The following AGAP1 variants were observed in gnomAD, a reference collection of about 807,000 sequenced individuals.
AGAP1 encodes arf-GAP with GTPase, ANK repeat and PH domain-containing protein 1.
Under a neutral mutation model 105.3 loss-of-function variants are expected in AGAP1, and 29 were observed. The ratio of observed to expected loss-of-function variants is 0.28; its 90% CI spans 0.21 to 0.38. The LOEUF (loss-of-function observed/expected upper bound fraction) is 0.38, where lower values mean the gene tolerates loss of function less well. Among genes scored for constraint, AGAP1 ranks in the 10% least tolerant of loss-of-function variants. AGAP1 has a pLI of 1.00. For missense variants in AGAP1, 998 were observed against 1,165.1 expected, an observed-to-expected ratio of 0.86 and a Z score of 2.09; for synonymous variants, 509 against 485.9, an observed-to-expected ratio of 1.05 and a Z score of -0.63.
Position 235,517,944 on chromosome 2 carries a change from A to AG in AGAP1, c.163+23095_163+23096insG, listed in dbSNP as rs1553556938. ...TGAGACTCCGTTTCAAAAAAAAAAAAAAAGAAAAAAAAAAGGTAGAACTCA... is the reference window on the plus strand; with the variant it reads ...TGAGACTCCGTTTCAAAAAAAAAAAAGAAAGAAAAAAAAAAGGTAGAACTCA... On this transcript the variant is annotated intron_variant, in intron 1 of 17. Transcript: ENST00000304032. The surrounding 1 kb of genome is among the most constrained non-coding windows in gnomAD (Gnocchi z 4.1). Among the ~76,000 whole-genome samples the AG allele has an allele frequency of 4.2e-5, 6 of 141,716 alleles. No homozygotes were observed. The highest frequency in any genetic ancestry group is 7.1e-5 in the Admixed American group (1 of 14,018). The allele number at this position is 141,716 out of a possible 152,430, so 93.0% of individuals were successfully genotyped here.
intron 1 of AGAP1, among the ~76,000 whole-genome samples, chr2:235,647,090 T>C (rs11895755): frequency 0.74 from 110,509 of 149,182 alleles, 41,132 homozygotes; most frequent in African/African-American, 0.83. Context: ...GAACCGAGAT[T>C]GCGCCACTGC....
chr2:235,800,750 G>A (rs181696685), intron 8 of AGAP1, among the ~76,000 whole-genome samples: 2 of 152,344 alleles, frequency 1.3e-5, no homozygotes, highest in East Asian at 1.9e-4. Flanking sequence ...GGAAGGTAAA[G>A]GTTCTGCAGA....
At chr2:236,075,222 AACC>A (rs2058604602) in intron 16 of AGAP1, among the ~76,000 whole-genome samples, 1 of 152,154 alleles carries the variant, frequency 6.6e-6, no homozygotes, top group South Asian at 2.1e-4. Flanking sequence ...AAACGTTCTA[AACC>A]AGATTCTGGT....
At position 235,725,910 on chromosome 2, in the gene AGAP1, A is replaced by G. The variant is rs1024180634; in HGVS notation, c.310+8266A>G. On this transcript the variant is annotated intron_variant, in intron 3 of 17. Transcript: ENST00000304032. This position sits in a 1 kb window ranked among gnomAD's most constrained non-coding sequence, Gnocchi z 5.7. ...ACATTATTATTAGATGTTCAAAAAA[A>G]TAATAAAAGGGAAGCATGTTCTGTT... Among the ~76,000 whole-genome samples, 7 of 152,240 alleles carry G rather than the reference A, an allele frequency of 4.6e-5. No homozygotes were observed. The highest frequency in any genetic ancestry group is 1.0e-4 in the Non-Finnish European group (7 of 68,040).
chr2:235,566,528 C>G lies in AGAP1; in HGVS notation c.163+71679C>G. On this transcript the variant is annotated intron_variant, in intron 1 of 17. Coordinates refer to ENST00000304032, the MANE Select transcript of AGAP1 (RefSeq NM_001037131.3). This position sits in a 1 kb window ranked among gnomAD's most constrained non-coding sequence, Gnocchi z 5.2. Reference sequence around the variant, plus strand: ...CAGTGAAAAGCACAAATCATCAGTGCGCCGTACGTTTTGGCCAGCACTTTA... The same window carrying G: ...CAGTGAAAAGCACAAATCATCAGTGGGCCGTACGTTTTGGCCAGCACTTTA... The G allele has an allele frequency of 1.0e-6, 1 of 967,512 alleles. No individual in the cohort carries two copies. The allele number at this position is 967,512 out of a possible 1,614,324, so 59.9% of individuals were successfully genotyped here.
chr2:236,070,369 A>G (rs1487457231), intron 16 of AGAP1, among the ~76,000 whole-genome samples: 3 of 152,250 alleles, frequency 2.0e-5, no homozygotes, highest in Non-Finnish European at 1.5e-5. Flanking sequence ...AGGAGCATCT[A>G]TAAAGTTATG....
chr2:235,598,112 C>G (rs112015380), intron 1 of AGAP1, among the ~76,000 whole-genome samples: 6 of 147,020 alleles, frequency 4.1e-5, no homozygotes, highest in Admixed American at 1.4e-4. Context: ...GCGTGCACGC[C>G]CTCCCATGTT....
chr2:235,812,040 G>A lies in AGAP1; in HGVS notation c.1050+4709G>A, dbSNP rs1272936817. ...CCACCCACTCTGGTCCGTCCTCTGC[G>A]ATGCCCGCCAAGGTGCTGTTTCTCA... On this transcript the variant is annotated intron_variant, in intron 9 of 17. Coordinates refer to ENST00000304032, the MANE Select transcript of AGAP1 (RefSeq NM_001037131.3). 5.9e-5 allele frequency among the ~76,000 whole-genome samples: 9 copies of A among 152,126 alleles called. No individual in the cohort carries two copies. In the East Asian group the frequency reaches 1.2e-3, roughly 20 times the overall value.
intron 16 of AGAP1, among the ~76,000 whole-genome samples, chr2:236,085,395 G>T (rs917134904): frequency 6.6e-6 from 1 of 152,188 alleles, no homozygotes; most frequent in African/African-American, 2.4e-5. Context: ...TGGAGGATCT[G>T]TTTGGGAGGG....
chr2:236,108,775 C>T (rs910044738), intron 16 of AGAP1, among the ~76,000 whole-genome samples: 1 of 152,036 alleles, frequency 6.6e-6, no homozygotes, highest in Non-Finnish European at 1.5e-5. Flanking sequence ...CTTTACAGCC[C>T]CCCAGAGCGC....
chr2:235,511,418 G>T (rs997997083), intron 1 of AGAP1, among the ~76,000 whole-genome samples: 1 of 152,128 alleles, frequency 6.6e-6, no homozygotes, highest in Non-Finnish European at 1.5e-5. Context: ...AGCCGCAGGG[G>T]GCTCAGCCAG....
intron 1 of AGAP1, among the ~76,000 whole-genome samples, chr2:235,702,413 T>TC (rs1950298514): frequency 6.6e-6 from 1 of 152,180 alleles, no homozygotes; most frequent in Non-Finnish European, 1.5e-5. Context: ...GGAGCTGCCT[T>TC]CCCTGGTCCT....
intron 1 of AGAP1, among the ~76,000 whole-genome samples, chr2:235,668,232 A>G (rs1948194778): frequency 6.6e-6 from 1 of 152,210 alleles, no homozygotes; most frequent in Admixed American, 6.5e-5. Context: ...GACTTATTTC[A>G]TTAAATCTGA....
rs59007077 is a variant in AGAP1 at position 236,047,598 on chromosome 2, C to CTTTTTTTTTTTTTTTTTT, written c.1892-1456_1892-1439dup. On this transcript the variant is annotated intron_variant, in intron 15 of 17. Transcript: ENST00000304032. ...GTCACAGACCTCTCTTCTCACATTT[C>CTTTTTTTTTTTTTTTTTT]TTTTTTTTTTTTTTTTTTTTTTGAG... 4.4e-5 allele frequency among the ~76,000 whole-genome samples: 3 copies of CTTTTTTTTTTTTTTTTTT among 68,286 alleles called. 1 individual carries two copies. Among genetic ancestry groups the CTTTTTTTTTTTTTTTTTT allele is most frequent in the Admixed American group, 2.2e-4 (1 of 4,572 alleles). 44.8% of individuals were successfully genotyped at this position (68,286 alleles called of 152,430 possible). A position where few individuals can be genotyped will look rare whatever the true frequency, so the allele number is the denominator to read the frequency against.
rs1948012024 is a variant in AGAP1, at chr2:235,663,015, G to T, written c.164-46164G>T. Among the ~76,000 whole-genome samples, 1 of 152,182 alleles carries T rather than the reference G, an allele frequency of 6.6e-6. No homozygotes were observed. Among genetic ancestry groups the T allele is most frequent in the Non-Finnish European group, 1.5e-5 (1 of 68,036 alleles). The stretch of plus-strand genomic sequence containing the variant: ...TTCAAGCCTGGGGAACACCGAGCTA[G>T]GGACACGCTGGCTAATAGAGGAAGG... On this transcript the variant is annotated intron_variant, in intron 1 of 17. Coordinates refer to ENST00000304032, the MANE Select transcript of AGAP1 (RefSeq NM_001037131.3). This position sits in a 1 kb window ranked among gnomAD's most constrained non-coding sequence, Gnocchi z 5.4.
rs1951526705 is a variant in AGAP1, at chr2:235,724,052, C to G, written c.310+6408C>G. On this transcript the variant is annotated intron_variant, in intron 3 of 17. Coordinates refer to ENST00000304032, the MANE Select transcript of AGAP1 (RefSeq NM_001037131.3). The surrounding 1 kb of genome is among the most constrained non-coding windows in gnomAD (Gnocchi z 4.9). Reference sequence around the variant, plus strand: ...AGGGATTTGCAGGGAAGGGCCTTAGCCAGGCATGATGTGGGAGCGTTGGCC... The same window carrying G: ...AGGGATTTGCAGGGAAGGGCCTTAGGCAGGCATGATGTGGGAGCGTTGGCC... Among the ~76,000 whole-genome samples the G allele has an allele frequency of 1.3e-5, 2 of 152,226 alleles. No individual in the cohort carries two copies. The highest frequency in any genetic ancestry group is 2.4e-5 in the African/African-American group (1 of 41,456).
chr2:235,692,152 A>G lies in AGAP1; in HGVS notation c.164-17027A>G, dbSNP rs911020898. On this transcript the variant is annotated intron_variant, in intron 1 of 17. Transcript: ENST00000304032. This position sits in a 1 kb window ranked among gnomAD's most constrained non-coding sequence, Gnocchi z 5.8. Reference sequence around the variant, plus strand: ...GCTTTTGTACATGCGTTATGTATCCATAAGCCAAAGCCGGGGGCTCCCTGG... The same window carrying G: ...GCTTTTGTACATGCGTTATGTATCCGTAAGCCAAAGCCGGGGGCTCCCTGG... 6.6e-6 allele frequency among the ~76,000 whole-genome samples: 1 copy of G among 152,216 alleles called. No homozygotes were observed. The highest frequency in any genetic ancestry group is 1.5e-5 in the Non-Finnish European group (1 of 68,038).
chr2:235,538,427 A>ATGTGTGTGTGTGTGTGTGTG (rs57515821), intron 1 of AGAP1, among the ~76,000 whole-genome samples: 6,490 of 135,250 alleles, frequency 0.048, 249 homozygotes, highest in Non-Finnish European at 0.053. Context: ...CTCAGCCACT[A>ATGTGTGTGTGTGTGTGTGTG]TGTGTGTGTG....
intron 9 of AGAP1, among the ~76,000 whole-genome samples, chr2:235,851,539 A>G (rs2048457266): frequency 6.6e-6 from 1 of 152,052 alleles, no homozygotes; most frequent in Non-Finnish European, 1.5e-5. Flanking sequence ...TCTTGCAGTT[A>G]CTTGCTACCA....
Sources: gnomAD v4.1 joint callset for allele counts (sites outside exome capture counted in the v4.1 genomes callset) on GRCh38, gnomAD v4.1.1 for gene constraint, Gnocchi (gnomAD v3.1) non-coding constraint, MANE v1.5 for transcripts, NCBI Gene and HGNC (gene_info 2026-07-23, HGNC 2026-07-21) for gene names.